The following OAS3 variants were observed in gnomAD, a reference collection of about 807,000 sequenced individuals.
OAS3 encodes the protein 2'-5'-oligoadenylate synthase 3.
Under a neutral mutation model 113.0 loss-of-function variants are expected in OAS3, and 107 were observed. That is an observed-to-expected ratio of 0.95 (90% CI 0.81 to 1.11). The LOEUF is 1.11. Among genes scored for constraint, OAS3 ranks in the 50% most tolerant of loss-of-function variants. The probability of loss-of-function intolerance (pLI) is 0.00; values close to 1 mark genes in which losing one functional copy is unlikely to be tolerated. For missense variants in OAS3, 1,258 were observed against 1,389.1 expected, an observed-to-expected ratio of 0.91 and a Z score of 1.50; for synonymous variants, 552 against 573.6, an observed-to-expected ratio of 0.96 and a Z score of 0.54.
At position 112,959,303 on chromosome 12, in the gene OAS3, G is replaced by A. The variant is rs567030800; in HGVS notation, c.1658-1768G>A. Among the ~76,000 whole-genome samples, 10 of 152,268 alleles carry A rather than the reference G, an allele frequency of 6.6e-5. No homozygotes were observed. In the East Asian group the frequency reaches 7.7e-4, roughly 12 times the overall value. ...ACCCCTTGCACTTCCCAGGTGAGGC[G>A]ACGCCCTGCCCTGCTTCGGCTCATG... On this transcript the variant is annotated intron_variant, in intron 7 of 15. Transcript: ENST00000228928.
In OAS3 at chr12:112,969,612, A is replaced by G. The variant is rs771451410; in HGVS notation, c.3109A>G (p.Ile1037Val). Residue 1037 changes from isoleucine to valine, a missense_variant, in exon 15 of 16, where the codon ATC (isoleucine) becomes GTC (valine). Transcript: ENST00000228928. ...GTCCCTGGGTGGGAATTGCAGGCCTATCATCCTGGATCCGGCTGACCCGAC... is the reference window on the plus strand; with the variant it reads ...GTCCCTGGGTGGGAATTGCAGGCCTGTCATCCTGGATCCGGCTGACCCGAC... The part of the protein sequence containing the change: ...LKQQLQKPRP[I>V]ILDPADPTGN... The G allele has an allele frequency of 1.9e-6, 3 of 1,597,616 alleles. No individual in the cohort carries two copies. The South Asian group carries it at 3.4e-5, about 18-fold the overall frequency.
At chr12:112,969,934 A>G in intron 15 of OAS3, 28 bp from the exon 16 acceptor site, 1 of 1,605,916 alleles carries the variant, frequency 6.2e-7, no homozygotes, top group Non-Finnish European at 8.5e-7. Flanking sequence ...GAATGGGGTT[A>G]CCAACATCTC....
intron 6 of OAS3, 199 bp from the exon 7 acceptor site, chr12:112,950,494 C>CA: frequency 1.6e-6 from 1 of 619,478 alleles, no homozygotes; most frequent in South Asian, 2.0e-5. Context: ...AGGGCAGGTG[C>CA]AGGCAGATAC....
chr12:112,951,625 G>T (rs2043793017), intron 7 of OAS3, among the ~76,000 whole-genome samples: 1 of 152,038 alleles, frequency 6.6e-6, no homozygotes, highest in Non-Finnish European at 1.5e-5. Context: ...TAAAACTGTA[G>T]TCAGAAAACA....
intron 6 of OAS3, among the ~76,000 whole-genome samples, chr12:112,950,090 T>G (rs542031072): frequency 1.3e-5 from 2 of 152,332 alleles, no homozygotes; most frequent in African/African-American, 4.8e-5. Context: ...TGCACAGCAC[T>G]TAGCATTTTC....
At chr12:112,969,849 C>A in intron 15 of OAS3, 94 bp downstream of exon 15, 1 of 1,585,194 alleles carries the variant, frequency 6.3e-7, no homozygotes, top group Non-Finnish European at 8.6e-7. Context: ...AGGGGCAGGG[C>A]CCAGTGATGG....
In OAS3 at chr12:112,946,779, C is replaced by G; in HGVS notation, c.673C>G (p.Pro225Ala). ...GGGGTTGTGGAAGGAGACGCTGCCC[C>G]CGGTCTATGCCCTGGAATTGCTGAC... Reference protein sequence around the residue: ...LQGLWKETLPPVYALELLTIF... With the variant: ...LQGLWKETLPAVYALELLTIF... The change falls in exon 4 of 16, where the codon CCG becomes GCG. Residue 225 changes from proline to alanine, a missense_variant. Pro to Ala is a conservative substitution (Grantham distance 27). Coordinates refer to ENST00000228928, the MANE Select transcript of OAS3 (RefSeq NM_006187.4). The G allele has an allele frequency of 6.2e-7, 1 of 1,612,928 alleles. No homozygotes were observed. Among genetic ancestry groups the G allele is most frequent in the Non-Finnish European group, 8.5e-7 (1 of 1,179,524 alleles).
chr12:112,948,760 C>T lies in OAS3; in HGVS notation c.1030-101C>T, dbSNP rs1245751484. On this transcript the variant is annotated intron_variant, in intron 5 of 15. Transcript: ENST00000228928. ...CCACTTCCCCTCTCTGAGCCTCAGT[C>T]ACCCTGACTGTACAAAGGGCGGGAG... 5 of 912,548 alleles carry T rather than the reference C, an allele frequency of 5.5e-6. No individual in the cohort carries two copies. The East Asian group carries it at 1.1e-4, about 19-fold the overall frequency. 56.5% of individuals were successfully genotyped at this position (912,548 alleles called of 1,614,324 possible).
chr12:112,969,453 C>G, intron 14 of OAS3, 155 bp from the exon 15 acceptor site: 1 of 797,574 alleles, frequency 1.3e-6, no homozygotes, highest in Non-Finnish European at 2.0e-6. Flanking sequence ...TTTTCTATAC[C>G]TGCCCTGTAG....
intron 6 of OAS3, 25 bp downstream of exon 6, chr12:112,949,230 G>GT (rs766121413): frequency 3.0e-5 from 44 of 1,463,584 alleles, no homozygotes; most frequent in Middle Eastern, 1.7e-4. Flanking sequence ...TGGAGACACA[G>GT]GGGGGACCCT....
At chr12:112,944,372 C>T (rs148581941) in intron 2 of OAS3, 104 bp from the exon 3 acceptor site, 2 of 1,242,570 alleles carry the variant, frequency 1.6e-6, no homozygotes, top group Non-Finnish European at 2.3e-6. Flanking sequence ...CCTCTGAATT[C>T]TTCCCACTCT....
chr12:112,961,157 T>C lies in OAS3; in HGVS notation c.1744T>C (p.Cys582Arg), dbSNP rs1400948161. Residue 582 changes from cysteine to arginine, a missense_variant, in exon 8 of 16, where the codon TGC becomes CGC. Cys to Arg is a radical substitution (Grantham distance 180, BLOSUM62 -3). Transcript: ENST00000228928. The part of the protein sequence containing the change: ...SGCQEGEHKA[C>R]FAELRRNFMN... ...CTGCCAGGAGGGCGAGCATAAGGCC[T>C]GCTTCGCAGAGCTGCGGAGGAACTT... 1.2e-6 allele frequency: 2 copies of C among 1,613,388 alleles called. No homozygotes were observed. Among genetic ancestry groups the C allele is most frequent in the Admixed American group, 3.3e-5 (2 of 60,014 alleles).
rs1018073672 is a variant in OAS3 at position 112,970,835 on chromosome 12, G to A, written c.*862G>A. On this transcript the variant is annotated 3_prime_UTR_variant, in exon 16 of 16. Coordinates refer to ENST00000228928, the MANE Select transcript of OAS3 (RefSeq NM_006187.4). ...AGGCCTCCTTTTCTTCACCTTTTAT[G>A]CTGCACTCCTCCCCTAGTTTACACA... 2.0e-5 allele frequency: 3 copies of A among 152,154 alleles called. No individual in the cohort carries two copies. Among genetic ancestry groups the A allele is most frequent in the Non-Finnish European group, 4.4e-5 (3 of 68,046 alleles). 9.4% of individuals were successfully genotyped at this position (152,154 alleles called of 1,614,324 possible). A position where few individuals can be genotyped will look rare whatever the true frequency, so the allele number is the denominator to read the frequency against.
At chr12:112,938,841 A>C in intron 1 of OAS3, 134 bp downstream of exon 1, 2 of 752,100 alleles carry the variant, frequency 2.7e-6, no homozygotes, top group East Asian at 6.3e-5. Flanking sequence ...AAATACTTCC[A>C]ATGTGCCAGC....
At chr12:112,939,508 A>C (rs547334045) in intron 1 of OAS3, among the ~76,000 whole-genome samples, 2 of 151,998 alleles carry the variant, frequency 1.3e-5, no homozygotes, top group South Asian at 2.1e-4. Context: ...TTTTGTAGAG[A>C]TAGAGTTTTG....
At chr12:112,941,436 G>A (rs537075103) in intron 1 of OAS3, 134 bp from the exon 2 acceptor site, 27 of 880,322 alleles carry the variant, frequency 3.1e-5, no homozygotes, top group South Asian at 1.2e-4. Flanking sequence ...CCACATTCCC[G>A]CGTGGCTTCA....
chr12:112,965,473 A>G (rs2043924934), intron 11 of OAS3, among the ~76,000 whole-genome samples: 1 of 152,222 alleles, frequency 6.6e-6, no homozygotes, highest in Non-Finnish European at 1.5e-5. Context: ...CAAAAAACCA[A>G]CCAACAAACA....
rs2136346768 is a variant in OAS3, at chr12:112,946,883, CCAA to C, written c.780_782del (p.Gln261del). 1 of 1,614,028 alleles carries C rather than the reference CCAA, an allele frequency of 6.2e-7. No individual in the cohort carries two copies. Among genetic ancestry groups the C allele is most frequent in the Non-Finnish European group, 8.5e-7 (1 of 1,179,902 alleles). On this transcript the variant is annotated inframe_deletion, in exon 4 of 16. Transcript: ENST00000228928. The stretch of plus-strand genomic sequence containing the variant: ...GCCTCCGAACTGTCCTGGGCCTGAT[CCAA>C]CAGCATCAGCACCTGTGTGTTTTCT...
chr12:112,942,057 C>A, intron 2 of OAS3: 1 of 648,602 alleles, frequency 1.5e-6, no homozygotes, highest in Non-Finnish European at 2.7e-6. Context: ...GATCTGTGGT[C>A]CTGCTGTCAA....
Sources: allele counts gnomAD v4.1 joint callset (sites outside exome capture counted in the v4.1 genomes callset), GRCh38; gene constraint gnomAD v4.1.1; transcripts MANE v1.5; gene names NCBI Gene and HGNC (gene_info 2026-07-23, HGNC 2026-07-21).